RHOQ: variants seen among roughly 807,000 people sequenced by gnomAD.
RHOQ encodes the protein rho-related GTP-binding protein RhoQ.
In RHOQ, 7 loss-of-function variants were observed where a neutral mutation model predicts 25.8. That is an observed-to-expected ratio of 0.27 (90% CI 0.15 to 0.51). RHOQ has a LOEUF of 0.51. Ranked by LOEUF, RHOQ falls within the 20% of genes least tolerant of loss-of-function variation. The probability of loss-of-function intolerance (pLI) is 0.97; values close to 1 mark genes in which losing one functional copy is unlikely to be tolerated. For missense variants in RHOQ, 165 were observed against 260.6 expected (o/e 0.63, Z 2.53); for synonymous variants, 97 against 98.6 (o/e 0.98, Z 0.10).
At chr2:46,563,375 G>C (rs1301546996) in intron 2 of RHOQ, among the ~76,000 whole-genome samples, 1 of 152,204 alleles carries the variant, frequency 6.6e-6, no homozygotes, top group Non-Finnish European at 1.5e-5. Flanking sequence ...AGCCTGGGTT[G>C]CTGTGAAGGC....
chr2:46,546,451 CATATATATATATATATATATATGTGT>C (rs1180823432), intron 2 of RHOQ, among the ~76,000 whole-genome samples: 11 of 47,128 alleles, frequency 2.3e-4, no homozygotes, highest in African/African-American at 7.9e-4. Flanking sequence ...TACACATATA[CATATATATATATATATATATATGTGT>C]ATATATATAT....
At chr2:46,572,117 T>TTG (rs1295444868) in intron 2 of RHOQ, among the ~76,000 whole-genome samples, 12 of 135,764 alleles carry the variant, frequency 8.8e-5, no homozygotes, top group African/African-American at 3.2e-4. Flanking sequence ...GTTTTTTTTT[T>TTG]TTTTTTTTTT....
intron 2 of RHOQ, among the ~76,000 whole-genome samples, chr2:46,565,876 C>T (rs1037865427): frequency 6.6e-6 from 1 of 152,178 alleles, no homozygotes; most frequent in East Asian, 1.9e-4. Context: ...ACAGTATAAA[C>T]AAACAGGATG....
At chr2:46,567,124 AG>A (rs1228537580) in intron 2 of RHOQ, among the ~76,000 whole-genome samples, 2 of 152,354 alleles carry the variant, frequency 1.3e-5, no homozygotes, top group Non-Finnish European at 2.9e-5. Context: ...AGTGATATAA[AG>A]GAGAAATAAA....
chr2:46,581,279 C>T lies in RHOQ; in HGVS notation c.*196C>T. On this transcript the variant is annotated 3_prime_UTR_variant, in exon 5 of 5. Transcript: ENST00000238738. ...AAGAAGCAGTAAGCAGCATCTGAAG[C>T]CACAATCTATTATAAATACTTTATT... The T allele has an allele frequency of 1.0e-6, 1 of 974,222 alleles. No homozygotes were observed. 60.3% of individuals were successfully genotyped at this position (974,222 alleles called of 1,614,324 possible).
In RHOQ at chr2:46,576,483, A is replaced by C. The variant is rs763459685; in HGVS notation, c.367-78A>C. ...TTTAATCTTTTTTTGGTATGTGGGA[A>C]TTAAGTGGGATTACATGCTTTGATT... On this transcript the variant is annotated intron_variant, in intron 3 of 4. Coordinates refer to ENST00000238738, the MANE Select transcript of RHOQ (RefSeq NM_012249.4). This position sits in a 1 kb window ranked among gnomAD's most constrained non-coding sequence, Gnocchi z 5.1. 1.1e-5 allele frequency: 10 copies of C among 942,222 alleles called. No individual in the cohort carries two copies. The highest frequency in any genetic ancestry group is 1.6e-5 in the Non-Finnish European group (10 of 616,188). 58.4% of individuals were successfully genotyped at this position (942,222 alleles called of 1,614,324 possible).
chr2:46,558,429 T>C (rs1230420179), intron 2 of RHOQ, among the ~76,000 whole-genome samples: 4 of 152,168 alleles, frequency 2.6e-5, no homozygotes, highest in Non-Finnish European at 5.9e-5. Context: ...ACTTTGAAAA[T>C]AGATTATATT....
chr2:46,578,175 A>C (rs1185900844), intron 4 of RHOQ, among the ~76,000 whole-genome samples: 1 of 152,156 alleles, frequency 6.6e-6, no homozygotes, highest in African/African-American at 2.4e-5. Flanking sequence ...TGTAAGCTCA[A>C]TTTGCACCTA....
intron 2 of RHOQ, among the ~76,000 whole-genome samples, chr2:46,546,482 ATATATATATATATAT>A (rs1668060815): frequency 9.6e-5 from 2 of 20,788 alleles, no homozygotes; most frequent in Non-Finnish European, 1.6e-4. Context: ...ATGTGTATAT[ATATATATATATATAT>A]ATATATATAT....
chr2:46,576,788 A>G lies in RHOQ; in HGVS notation c.462+132A>G, dbSNP rs1669143203. The G allele has an allele frequency of 3.4e-6, 2 of 584,954 alleles. No individual in the cohort carries two copies. The highest frequency in any genetic ancestry group is 5.1e-5 in the South Asian group (2 of 39,378). The allele number at this position is 584,954 out of a possible 1,614,324, so 36.2% of individuals were successfully genotyped here. A position where few individuals can be genotyped will look rare whatever the true frequency, so the allele number is the denominator to read the frequency against. ...ATGCATTATCTCATTTAATCCTTGC[A>G]TGAACTCAGTGAGGTAGGTCTGTTT... On this transcript the variant is annotated intron_variant, in intron 4 of 4. Coordinates refer to ENST00000238738, the MANE Select transcript of RHOQ (RefSeq NM_012249.4). This position sits in a 1 kb window ranked among gnomAD's most constrained non-coding sequence, Gnocchi z 5.1.
At chr2:46,571,281 C>CCTAT (rs1359957349) in intron 2 of RHOQ, among the ~76,000 whole-genome samples, 2 of 152,200 alleles carry the variant, frequency 1.3e-5, no homozygotes, top group African/African-American at 4.8e-5. Context: ...TATCTCCTCA[C>CCTAT]CTATCAGAAT....
chr2:46,549,351 A>T (rs1342918163), intron 2 of RHOQ, among the ~76,000 whole-genome samples: 2 of 152,196 alleles, frequency 1.3e-5, no homozygotes, highest in Admixed American at 6.5e-5. Flanking sequence ...CAGAGGCCCC[A>T]TGGAGAATTG....
Position 46,566,454 on chromosome 2 carries a change from T to C in RHOQ, c.202-9633T>C, listed in dbSNP as rs1668734708. 6.6e-6 allele frequency among the ~76,000 whole-genome samples: 1 copy of C among 152,142 alleles called. No homozygotes were observed. The highest frequency in any genetic ancestry group is 1.5e-5 in the Non-Finnish European group (1 of 68,028). ...ATCATCTAGATATATCCAGAATATA[T>C]CTAGAATCCACCATTTCTCTAGCTG... is the stretch of plus-strand genomic sequence containing the variant. On this transcript the variant is annotated intron_variant, in intron 2 of 4. Transcript: ENST00000238738. This position sits in a 1 kb window ranked among gnomAD's most constrained non-coding sequence, Gnocchi z 4.2.
rs763573652 is a variant in RHOQ, at chr2:46,576,230, C to T, written c.345C>T (p.Pro115=). The change falls in exon 3 of 5, where the codon CCC becomes CCT. Residue 115 remains proline (P), a synonymous_variant. Transcript: ENST00000238738. This position sits in a 1 kb window ranked among gnomAD's most constrained non-coding sequence, Gnocchi z 5.1. ...PELKEYAPNV[P]FLLIGTQIDL... is the part of the protein sequence containing the mutation. ...TTAAGGAATACGCACCAAATGTACC[C>T]TTTTTATTAATAGGAACTCAGGTAT... 1.9e-6 allele frequency: 3 copies of T among 1,606,802 alleles called. No homozygotes were observed. Among genetic ancestry groups the T allele is most frequent in the Admixed American group, 3.5e-5 (2 of 57,580 alleles).
rs745846447 is a variant in RHOQ at position 46,543,475 on chromosome 2, A to G, written c.143-279A>G. 5.4e-4 allele frequency: 322 copies of G among 596,420 alleles called. 2 individuals carry two copies. Among genetic ancestry groups the G allele is most frequent in the Middle Eastern group, 8.9e-4 (2 of 2,240 alleles). The allele number at this position is 596,420 out of a possible 1,614,324, so 36.9% of individuals were successfully genotyped here. On this transcript the variant is annotated intron_variant, in intron 1 of 4. Coordinates refer to ENST00000238738, the MANE Select transcript of RHOQ (RefSeq NM_012249.4). ...TTGACCTTCCCACATCCCCTTTCCT[A>G]CTGCCCCAAGGCCCCGGGGGAAATA...
At position 46,576,541 on chromosome 2, in the gene RHOQ, T is replaced by C; in HGVS notation, c.367-20T>C. The C allele has an allele frequency of 6.9e-7, 1 of 1,442,092 alleles. No homozygotes were observed. The highest frequency in any genetic ancestry group is 1.2e-5 in the South Asian group (1 of 83,844). 89.3% of individuals were successfully genotyped at this position (1,442,092 alleles called of 1,614,324 possible). A position where few individuals can be genotyped will look rare whatever the true frequency, so the allele number is the denominator to read the frequency against. ...AAAGATTTGTAATATTATGGGACAT[T>C]ATTGACCTTTCTTAATTAGATTGAT... On this transcript the variant is annotated intron_variant, in intron 3 of 4. Coordinates refer to ENST00000238738, the MANE Select transcript of RHOQ (RefSeq NM_012249.4). The surrounding 1 kb of genome is among the most constrained non-coding windows in gnomAD (Gnocchi z 5.1).
chr2:46,559,916 AC>A (rs1447002696), intron 2 of RHOQ, among the ~76,000 whole-genome samples: 1 of 152,170 alleles, frequency 6.6e-6, no homozygotes, highest in Non-Finnish European at 1.5e-5. Flanking sequence ...TTTTCTTTGT[AC>A]CGTGGCCTTG....
At chr2:46,562,692 T>A (rs1668612174) in intron 2 of RHOQ, among the ~76,000 whole-genome samples, 1 of 152,212 alleles carries the variant, frequency 6.6e-6, no homozygotes, top group Non-Finnish European at 1.5e-5. Flanking sequence ...CCCATGTGCA[T>A]TTGACTCTTT....
chr2:46,581,328 A>G lies in RHOQ; in HGVS notation c.*245A>G. On this transcript the variant is annotated 3_prime_UTR_variant, in exon 5 of 5. Transcript: ENST00000238738. The stretch of plus-strand genomic sequence containing the variant: ...TTTCAACTAGAAGGTACAATCTCTC[A>G]GGGGTTTCATAGTTTAAAAAGCTAC... 8.3e-7 allele frequency: 1 copy of G among 1,204,226 alleles called. No individual in the cohort carries two copies. The highest frequency in any genetic ancestry group is 2.6e-5 in the East Asian group (1 of 38,934). 74.6% of individuals were successfully genotyped at this position (1,204,226 alleles called of 1,614,324 possible).
Sources: allele counts gnomAD v4.1 joint callset (sites outside exome capture counted in the v4.1 genomes callset), GRCh38; gene constraint gnomAD v4.1.1; non-coding constraint Gnocchi (gnomAD v3.1); transcripts MANE v1.5; gene names NCBI Gene and HGNC (gene_info 2026-07-23, HGNC 2026-07-21).